The following PDE1A variants were observed in gnomAD, a reference collection of about 807,000 sequenced individuals.
The protein encoded by PDE1A is phosphodiesterase 1A.
Under a neutral mutation model 61.7 loss-of-function variants are expected in PDE1A, and 35 were observed. That is an observed-to-expected ratio of 0.57 (90% CI 0.43 to 0.75). The LOEUF (loss-of-function observed/expected upper bound fraction) is 0.75. PDE1A is among the 30% of genes least tolerant of loss of function. PDE1A has a pLI of 0.00. For synonymous variants in PDE1A, 232 were observed against 213.2 expected (o/e 1.09, Z -0.77); for missense variants, 597 against 630.6 (o/e 0.95, Z 0.57).
chr2:182,531,864 C>T, the PDE1A span, among the ~76,000 whole-genome samples: 2 of 152,176 alleles, frequency 1.3e-5, no homozygotes, highest in African/African-American at 4.8e-5. Flanking sequence ...TCCCACCCAC[C>T]TACAGGCCCC....
At chr2:182,403,424 C>T (rs1258585056) in intron 1 of PDE1A, among the ~76,000 whole-genome samples, 1 of 151,792 alleles carries the variant, frequency 6.6e-6, no homozygotes, top group Non-Finnish European at 1.5e-5. Flanking sequence ...ACGGTGAAAC[C>T]CCGTCTCTAC....
chr2:182,447,363 C>T (rs537742957), intron 2 of PDE1A, among the ~76,000 whole-genome samples: 1 of 152,134 alleles, frequency 6.6e-6, no homozygotes, highest in African/African-American at 2.4e-5. Flanking sequence ...TGTAAACACA[C>T]CGGACCCTCT....
intron 10 of PDE1A, among the ~76,000 whole-genome samples, chr2:182,193,155 T>C (rs769155431): frequency 5.3e-5 from 8 of 151,952 alleles, no homozygotes; most frequent in Middle Eastern, 3.4e-3. Context: ...GCCCAGCTAA[T>C]TTTTGTATTT....
At chr2:182,364,675 A>C (rs1699735792) in intron 1 of PDE1A, among the ~76,000 whole-genome samples, 1 of 151,590 alleles carries the variant, frequency 6.6e-6, no homozygotes, top group Non-Finnish European at 1.5e-5. Context: ...ATATAGTTTA[A>C]TTTTTATACT....
chr2:182,562,911 T>C, the PDE1A span, among the ~76,000 whole-genome samples: 1 of 152,252 alleles, frequency 6.6e-6, no homozygotes, highest in South Asian at 2.1e-4. Flanking sequence ...ATCCCCTTTA[T>C]CATTTTTTAT....
intron 1 of PDE1A, among the ~76,000 whole-genome samples, chr2:182,301,269 A>G (rs12693301): frequency 0.25 from 37,380 of 152,134 alleles, 4,996 homozygotes; most frequent in Middle Eastern, 0.37. Flanking sequence ...TAAAGGCACA[A>G]GTAAACAAAC....
At chr2:182,650,138 T>G in the PDE1A span, among the ~76,000 whole-genome samples, 1 of 152,140 alleles carries the variant, frequency 6.6e-6, no homozygotes, top group Non-Finnish European at 1.5e-5. Flanking sequence ...CCTAGATCTA[T>G]CCATAGGTTT....
intron 1 of PDE1A, among the ~76,000 whole-genome samples, chr2:182,334,263 AAG>A (rs769221558): frequency 8.4e-4 from 126 of 149,734 alleles, no homozygotes; most frequent in African/African-American, 9.8e-4. Context: ...CAAACCCTGG[AAG>A]AGACACACAC....
At chr2:182,621,917 T>C in the PDE1A span, among the ~76,000 whole-genome samples, 1 of 152,206 alleles carries the variant, frequency 6.6e-6, no homozygotes, top group African/African-American at 2.4e-5. Flanking sequence ...TGCATTTACT[T>C]AATAATGGAA....
intron 1 of PDE1A, among the ~76,000 whole-genome samples, chr2:182,323,751 G>A (rs1353603504): frequency 6.6e-6 from 1 of 152,194 alleles, no homozygotes; most frequent in African/African-American, 2.4e-5. Flanking sequence ...AGTAACGCAA[G>A]TATTACATCT....
chr2:182,431,997 A>G (rs1703974379), upstream of PDE1A, among the ~76,000 whole-genome samples: 1 of 152,110 alleles, frequency 6.6e-6, no homozygotes, highest in South Asian at 2.1e-4. Context: ...GGTGAATTGA[A>G]TAGGCTTATA....
At chr2:182,601,722 G>T in the PDE1A span, among the ~76,000 whole-genome samples, 1 of 152,266 alleles carries the variant, frequency 6.6e-6, no homozygotes, top group South Asian at 2.1e-4. Flanking sequence ...GAGGCTCTGG[G>T]TTGGGTGGCT....
rs116328904 is a variant in PDE1A at position 182,302,441 on chromosome 2, G to A, written c.54-38027C>T. Among the ~76,000 whole-genome samples the A allele has an allele frequency of 6.1e-3, 934 of 152,284 alleles. 6 individuals carry two copies. Among genetic ancestry groups the A allele is most frequent in the African/African-American group, 0.022 (897 of 41,540 alleles). On this transcript the variant is annotated intron_variant, in intron 1 of 13. Transcript: ENST00000351439. Reference sequence around the variant, plus strand: ...TACTACACTGTAATCTCTTAAGTGTGCAACAACATTATGCATAAAAATGTA... The same window carrying A: ...TACTACACTGTAATCTCTTAAGTGTACAACAACATTATGCATAAAAATGTA...
At chr2:182,704,522 T>G in the PDE1A span, among the ~76,000 whole-genome samples, 1 of 152,266 alleles carries the variant, frequency 6.6e-6, no homozygotes, top group Non-Finnish European at 1.5e-5. Flanking sequence ...GAATTTTCTT[T>G]GTAATCTTTG....
intron 1 of PDE1A, among the ~76,000 whole-genome samples, chr2:182,287,386 C>T (rs964807743): frequency 7.9e-5 from 12 of 152,174 alleles, no homozygotes; most frequent in East Asian, 1.9e-4. Flanking sequence ...TTCTGTCAGG[C>T]TATTTATTTT....
At chr2:182,454,953 A>T (rs1685801379) in intron 2 of PDE1A, among the ~76,000 whole-genome samples, 1 of 151,316 alleles carries the variant, frequency 6.6e-6, no homozygotes, top group Non-Finnish European at 1.5e-5. Context: ...AGAAACTACC[A>T]TCAGAGTAAA....
exon 14 of PDE1A, chr2:182,168,134 G>T: frequency 6.9e-7 from 1 of 1,449,544 alleles, no homozygotes; most frequent in Non-Finnish European, 9.1e-7. Flanking sequence ...TGCAAAAATA[G>T]ATTTCCTGTC....
chr2:182,665,066 A>C, the PDE1A span, among the ~76,000 whole-genome samples: 1 of 152,192 alleles, frequency 6.6e-6, no homozygotes, highest in Non-Finnish European at 1.5e-5. Context: ...TGTTTTCTCC[A>C]AACGGTTTTG....
At chr2:182,304,187 CTTCTT>C (rs1489093083) in intron 1 of PDE1A, among the ~76,000 whole-genome samples, 1 of 152,086 alleles carries the variant, frequency 6.6e-6, no homozygotes, top group Non-Finnish European at 1.5e-5. Flanking sequence ...CGGCCGATGG[CTTCTT>C]TTCTTAATCC....
Sources: gnomAD v4.1 joint callset for allele counts (sites outside exome capture counted in the v4.1 genomes callset) on GRCh38, gnomAD v4.1.1 for gene constraint, MANE v1.5 for transcripts, NCBI Gene and HGNC (gene_info 2026-07-23, HGNC 2026-07-21) for gene names.